Variants in ELMO1 observed in about 807,000 individuals in gnomAD.
The protein encoded by ELMO1 is engulfment and cell motility protein 1.
In ELMO1, 26 loss-of-function variants were observed where a neutral mutation model predicts 98.9. That is an observed-to-expected ratio of 0.26 (90% CI 0.19 to 0.36). The LOEUF (loss-of-function observed/expected upper bound fraction) is 0.36, where lower values mean the gene tolerates loss of function less well. ELMO1 is among the 10% of genes least tolerant of loss of function. The pLI is 1.00. For missense variants in ELMO1, 627 were observed against 935.2 expected (o/e 0.67, Z 4.30); for synonymous variants, 346 against 346.0 (o/e 1.00, Z 0.00).
intron 16 of ELMO1, among the ~76,000 whole-genome samples, chr7:36,969,622 T>C (rs922486407): frequency 6.6e-6 from 1 of 152,082 alleles, no homozygotes; most frequent in Non-Finnish European, 1.5e-5. Flanking sequence ...GTGTGTAGTA[T>C]GTGGTGGGGG....
At chr7:37,093,059 C>T (rs1049890307) in intron 15 of ELMO1, among the ~76,000 whole-genome samples, 1 of 152,030 alleles carries the variant, frequency 6.6e-6, no homozygotes, top group Non-Finnish European at 1.5e-5. Flanking sequence ...CAGCCTTCAA[C>T]TGAATAACCT....
At chr7:37,179,279 C>CCT (rs1790694346) in intron 13 of ELMO1, among the ~76,000 whole-genome samples, 1 of 135,364 alleles carries the variant, frequency 7.4e-6, no homozygotes, top group Non-Finnish European at 1.6e-5. Context: ...GCATATAGCT[C>CCT]TTTTTTTTTT....
At chr7:36,988,198 G>C (rs1263157719) in intron 16 of ELMO1, among the ~76,000 whole-genome samples, 1 of 152,162 alleles carries the variant, frequency 6.6e-6, no homozygotes, top group Non-Finnish European at 1.5e-5. Flanking sequence ...ATCTTTCTCA[G>C]CTCTGCCCAG....
chr7:37,403,821 C>A (rs539193575), intron 1 of ELMO1, among the ~76,000 whole-genome samples: 1 of 152,164 alleles, frequency 6.6e-6, no homozygotes, highest in Non-Finnish European at 1.5e-5. Context: ...GCTGGGATTA[C>A]GGGCATGAGC....
chr7:37,317,306 AT>A (rs970642454), intron 2 of ELMO1, among the ~76,000 whole-genome samples: 1 of 152,150 alleles, frequency 6.6e-6, no homozygotes, highest in African/African-American at 2.4e-5. Flanking sequence ...TCAATCCTCT[AT>A]GAGCACATTC....
At chr7:37,235,324 T>C (rs543056454) in intron 7 of ELMO1, among the ~76,000 whole-genome samples, 6 of 152,290 alleles carry the variant, frequency 3.9e-5, no homozygotes, top group East Asian at 3.9e-4. Context: ...GATTTATTAA[T>C]AGACTGGGTA....
intron 16 of ELMO1, among the ~76,000 whole-genome samples, chr7:36,908,765 A>G (rs190930968): frequency 2.6e-5 from 4 of 152,306 alleles, no homozygotes; most frequent in African/African-American, 4.8e-5. Context: ...ACTGAAAACA[A>G]ATTCAATACC....
intron 13 of ELMO1, among the ~76,000 whole-genome samples, chr7:37,169,567 T>C (rs1484724277): frequency 1.3e-5 from 2 of 152,246 alleles, no homozygotes; most frequent in African/African-American, 2.4e-5. Context: ...AAAAATGTAT[T>C]GTTAAGATTT....
chr7:36,949,491 G>T (rs923412204), intron 16 of ELMO1, among the ~76,000 whole-genome samples: 3 of 149,622 alleles, frequency 2.0e-5, no homozygotes, highest in Non-Finnish European at 4.5e-5. Context: ...GCAGACATCA[G>T]ACCAGGTTCT....
intron 2 of ELMO1, among the ~76,000 whole-genome samples, chr7:37,321,307 C>T (rs143841687): frequency 3.9e-5 from 6 of 152,116 alleles, no homozygotes; most frequent in East Asian, 1.9e-4. Context: ...CAAAAGGTTA[C>T]GTAAGGTACG....
intron 18 of ELMO1, 60 bp downstream of exon 18, chr7:36,887,500 C>A (rs1458543154): frequency 2.7e-6 from 4 of 1,501,588 alleles, no homozygotes; most frequent in Admixed American, 1.7e-5. Flanking sequence ...CCTTGTGATT[C>A]TCCAGGGAGC....
At chr7:37,196,626 C>T (rs1473076321) in intron 13 of ELMO1, among the ~76,000 whole-genome samples, 1 of 152,190 alleles carries the variant, frequency 6.6e-6, no homozygotes, top group Non-Finnish European at 1.5e-5. Flanking sequence ...AATAAAGCTT[C>T]ACTAAGATCT....
intron 13 of ELMO1, among the ~76,000 whole-genome samples, chr7:37,159,869 AAGTT>A (rs1225798567): frequency 2.0e-5 from 3 of 152,326 alleles, no homozygotes; most frequent in East Asian, 1.9e-4. Context: ...ATACAGCACA[AAGTT>A]AGTATCTGTA....
At position 36,854,527 on chromosome 7, in the gene ELMO1, CA is replaced by C. The variant is rs1802056699; in HGVS notation, c.*1023del. ...GCAAAAAATGTTAGACTCTTTTGTA[CA>C]AAAACAAAGCAAAAAAAAAAAAAAA... On this transcript the variant is annotated 3_prime_UTR_variant, in exon 22 of 22. Coordinates refer to ENST00000310758, the MANE Select transcript of ELMO1 (RefSeq NM_014800.11). The C allele has an allele frequency of 1.3e-5, 1 of 75,834 alleles. No individual in the cohort carries two copies. Among genetic ancestry groups the C allele is most frequent in the Admixed American group, 1.5e-4 (1 of 6,582 alleles). The allele number at this position is 75,834 out of a possible 1,614,324, so 4.7% of individuals were successfully genotyped here.
intron 13 of ELMO1, among the ~76,000 whole-genome samples, chr7:37,153,126 T>C (rs1788476266): frequency 6.6e-6 from 1 of 152,168 alleles, no homozygotes; most frequent in Non-Finnish European, 1.5e-5. Flanking sequence ...GGGAATTATA[T>C]CTCACAGAAA....
At chr7:37,313,445 G>A (rs991368308) in intron 4 of ELMO1, among the ~76,000 whole-genome samples, 16 of 149,984 alleles carry the variant, frequency 1.1e-4, no homozygotes, top group Non-Finnish European at 1.9e-4. Flanking sequence ...GGCTGATCTC[G>A]AACTCCTGAC....
intron 1 of ELMO1, among the ~76,000 whole-genome samples, chr7:37,413,107 T>C (rs190364011): frequency 1.3e-5 from 2 of 151,464 alleles, no homozygotes; most frequent in Admixed American, 6.6e-5. Context: ...AAGTCACTAA[T>C]AGGAGACATA....
At chr7:36,930,860 C>T (rs140012221) in intron 16 of ELMO1, among the ~76,000 whole-genome samples, 73 of 152,280 alleles carry the variant, frequency 4.8e-4, no homozygotes, top group African/African-American at 1.7e-3. Context: ...TCTTTCTGCA[C>T]AAAGGGGACA....
At chr7:36,931,230 T>C (rs10268319) in intron 16 of ELMO1, among the ~76,000 whole-genome samples, 75,967 of 152,128 alleles carry the variant, frequency 0.5, 19,549 homozygotes, top group Non-Finnish European at 0.57. Flanking sequence ...ACTAGCTGCT[T>C]AAGACGTAAT....
Sources: gnomAD v4.1 joint callset for allele counts (sites outside exome capture counted in the v4.1 genomes callset) on GRCh38, gnomAD v4.1.1 for gene constraint, MANE v1.5 for transcripts, NCBI Gene and HGNC (gene_info 2026-07-23, HGNC 2026-07-21) for gene names.